Variants in PLA2G4A observed in about 807,000 individuals in gnomAD.
PLA2G4A encodes the protein cytosolic phospholipase A2.
Under a neutral mutation model 81.9 loss-of-function variants are expected in PLA2G4A, and 40 were observed. That is an observed-to-expected ratio of 0.49 (90% CI 0.38 to 0.64). The LOEUF (loss-of-function observed/expected upper bound fraction) is 0.64. Among genes scored for constraint, PLA2G4A ranks in the 30% least tolerant of loss-of-function variants. The pLI, the probability that PLA2G4A is intolerant of heterozygous loss-of-function variation, is 0.00. For synonymous variants in PLA2G4A, 302 were observed against 296.9 expected (o/e 1.02, Z -0.18); for missense variants, 715 against 905.1 (o/e 0.79, Z 2.69).
At chr1:186,855,962 T>C (rs921939799) in intron 2 of PLA2G4A, among the ~76,000 whole-genome samples, 1 of 152,086 alleles carries the variant, frequency 6.6e-6, no homozygotes, top group African/African-American at 2.4e-5. Flanking sequence ...TGTATGGCAA[T>C]GTAAATCCTC....
chr1:186,931,517 C>CCAT (rs984269626), intron 7 of PLA2G4A, among the ~76,000 whole-genome samples: 1 of 144,964 alleles, frequency 6.9e-6, no homozygotes, highest in Non-Finnish European at 1.5e-5. Context: ...AAAATGTTTG[C>CCAT]TATTATTATT....
At position 186,913,219 on chromosome 1, in the gene PLA2G4A, TGAA is replaced by T. The variant is rs1164121312; in HGVS notation, c.558+1834_558+1836del. 9.9e-5 allele frequency among the ~76,000 whole-genome samples: 15 copies of T among 151,870 alleles called. 1 individual carries two copies. Among genetic ancestry groups the T allele is most frequent in the Non-Finnish European group, 2.9e-5 (2 of 67,876 alleles). On this transcript the variant is annotated intron_variant, in intron 7 of 17. Coordinates refer to ENST00000367466, the MANE Select transcript of PLA2G4A (RefSeq NM_024420.3). ...ATTAGGATTATAAAAATCATTAAGT[TGAA>T]GAAATGATTTATAATCCTAATTATG...
intron 1 of PLA2G4A, among the ~76,000 whole-genome samples, chr1:186,850,455 A>G (rs749887547): frequency 2.0e-5 from 3 of 152,144 alleles, no homozygotes; most frequent in Non-Finnish European, 4.4e-5. Context: ...GCATGCATGA[A>G]AAATCAGGCT....
chr1:186,842,597 CT>C (rs1195706007), intron 1 of PLA2G4A, among the ~76,000 whole-genome samples: 1 of 152,154 alleles, frequency 6.6e-6, no homozygotes, highest in Non-Finnish European at 1.5e-5. Flanking sequence ...AGGGCATGTC[CT>C]AATCCAATTT....
rs548467852 is a variant in PLA2G4A at position 186,870,751 on chromosome 1, G to A, written c.115+235G>A. 580 of 1,545,938 alleles carry A rather than the reference G, an allele frequency of 3.8e-4. 15 individuals are homozygous for A. The East Asian group carries it at 7.9e-3, about 21-fold the overall frequency. On this transcript the variant is annotated intron_variant, in intron 3 of 17. Transcript: ENST00000367466. Reference sequence around the variant, plus strand: ...GGGGCCTTTGGTGACATGCGTAAGAGTGCCCTTATTTTCTTTGCTGTTAAA... The same window carrying A: ...GGGGCCTTTGGTGACATGCGTAAGAATGCCCTTATTTTCTTTGCTGTTAAA...
At chr1:186,933,386 A>G (rs1655823010) in intron 8 of PLA2G4A, among the ~76,000 whole-genome samples, 1 of 152,196 alleles carries the variant, frequency 6.6e-6, no homozygotes, top group African/African-American at 2.4e-5. Context: ...GAAATATAAT[A>G]TATTTCATTG....
At chr1:186,968,400 A>ATGTGTGTATGTG (rs1657210893) in intron 15 of PLA2G4A, among the ~76,000 whole-genome samples, 1 of 137,418 alleles carries the variant, frequency 7.3e-6, no homozygotes, top group Non-Finnish European at 1.5e-5. Flanking sequence ...CGCGGTGTGT[A>ATGTGTGTATGTG]TGTGTGTGTG....
chr1:186,856,443 G>T (rs1652555892), intron 2 of PLA2G4A, among the ~76,000 whole-genome samples: 1 of 148,258 alleles, frequency 6.7e-6, no homozygotes, highest in Non-Finnish European at 1.5e-5. Flanking sequence ...AAGCTGGAAT[G>T]CTGTAGTGCT....
At chr1:186,907,042 T>A (rs760080497) in intron 6 of PLA2G4A, 40 bp downstream of exon 6, 64 of 1,050,158 alleles carry the variant, frequency 6.1e-5, no homozygotes, top group Non-Finnish European at 9.4e-5. Flanking sequence ...ATATTGTGAG[T>A]GATCCACTAA....
At chr1:186,985,143 C>T (rs1041640348) in intron 17 of PLA2G4A, among the ~76,000 whole-genome samples, 1 of 152,102 alleles carries the variant, frequency 6.6e-6, no homozygotes, top group African/African-American at 2.4e-5. Flanking sequence ...CCACAGCCTC[C>T]CATCCTCAGT....
intron 12 of PLA2G4A, among the ~76,000 whole-genome samples, chr1:186,948,812 T>C (rs1002775685): frequency 3.9e-5 from 6 of 152,036 alleles, no homozygotes; most frequent in Admixed American, 1.3e-4. Context: ...AGGGGGAATA[T>C]CGTGTATGTG....
chr1:186,855,901 T>G (rs1478827446), intron 2 of PLA2G4A, among the ~76,000 whole-genome samples: 1 of 152,130 alleles, frequency 6.6e-6, no homozygotes, highest in Admixed American at 6.6e-5. Context: ...TTCTGTAGTT[T>G]GCGCCAATAC....
At chr1:186,960,068 T>C (rs1351459405) in intron 14 of PLA2G4A, among the ~76,000 whole-genome samples, 2 of 152,120 alleles carry the variant, frequency 1.3e-5, no homozygotes, top group Admixed American at 1.3e-4. Flanking sequence ...TACTACTTAA[T>C]CTTGTAGACT....
intron 1 of PLA2G4A, among the ~76,000 whole-genome samples, chr1:186,835,141 G>C (rs557877434): frequency 1.8e-4 from 28 of 152,248 alleles, no homozygotes; most frequent in African/African-American, 4.8e-4. Flanking sequence ...ATTTCAGTCA[G>C]TAAATTGACA....
chr1:186,936,270 A>G (rs1655940769), intron 8 of PLA2G4A, among the ~76,000 whole-genome samples: 1 of 152,012 alleles, frequency 6.6e-6, no homozygotes, highest in Admixed American at 6.6e-5. Context: ...GAACAATGAA[A>G]AAAGAAACAA....
chr1:186,903,716 T>G (rs1654630605), intron 5 of PLA2G4A, among the ~76,000 whole-genome samples: 1 of 152,220 alleles, frequency 6.6e-6, no homozygotes, highest in African/African-American at 2.4e-5. Context: ...CATGGAAGGC[T>G]TAGTTGCAGG....
Position 186,939,492 on chromosome 1 carries a change from G to GGA in PLA2G4A, c.918+262_918+263insGA, listed in dbSNP as rs758967587. Among the ~76,000 whole-genome samples, 6 of 143,202 alleles carry GGA rather than the reference G, an allele frequency of 4.2e-5. No homozygotes were observed. The South Asian group carries it at 9.0e-4, about 22-fold the overall frequency. 93.9% of individuals were successfully genotyped at this position (143,202 alleles called of 152,430 possible). On this transcript the variant is annotated intron_variant, in intron 9 of 17. Coordinates refer to ENST00000367466, the MANE Select transcript of PLA2G4A (RefSeq NM_024420.3). Reference sequence around the variant, plus strand: ...AGTGCTTTTGTATTCCTTTTCTCTGGAAAAAAAAAAAAAAAAAAAAATTCA... The same window carrying GGA: ...AGTGCTTTTGTATTCCTTTTCTCTGGGAAAAAAAAAAAAAAAAAAAAAATTCA...
intron 17 of PLA2G4A, among the ~76,000 whole-genome samples, chr1:186,985,481 T>G (rs1657863069): frequency 6.6e-6 from 1 of 152,206 alleles, no homozygotes; most frequent in Non-Finnish European, 1.5e-5. Context: ...CATGTTCTCC[T>G]ATATTTGTAA....
intron 8 of PLA2G4A, among the ~76,000 whole-genome samples, 170 bp downstream of exon 8, chr1:186,933,069 C>A (rs1399603910): frequency 2.0e-5 from 3 of 152,068 alleles, no homozygotes; most frequent in Non-Finnish European, 4.4e-5. Flanking sequence ...AAAGACAAAT[C>A]CATACTTAAT....
Sources: gnomAD v4.1 joint callset for allele counts (sites outside exome capture counted in the v4.1 genomes callset) on GRCh38, gnomAD v4.1.1 for gene constraint, MANE v1.5 for transcripts, NCBI Gene and HGNC (gene_info 2026-07-23, HGNC 2026-07-21) for gene names.